PRKN: variants seen among roughly 807,000 people sequenced by gnomAD.
The protein encoded by PRKN is E3 ubiquitin-protein ligase parkin.
Under a neutral mutation model 59.5 loss-of-function variants are expected in PRKN, and 56 were observed. The ratio of observed to expected loss-of-function variants is 0.94; its 90% CI spans 0.76 to 1.18. The LOEUF is 1.18. PRKN is among the 50% of genes most tolerant of loss of function. PRKN has a pLI of 0.00. For missense variants in PRKN, 657 were observed against 596.4 expected (o/e 1.10, Z -1.06); for synonymous variants, 250 against 222.1 (o/e 1.13, Z -1.12).
At chr6:162,569,111 G>A (rs912306166) in intron 1 of PRKN, 27 of 660,330 alleles carry the variant, frequency 4.1e-5, no homozygotes, top group Admixed American at 1.0e-4. Flanking sequence ...GGCGTAGTAT[G>A]AGGAGATCAC....
At chr6:162,506,742 G>A (rs1793625082) in intron 1 of PRKN, among the ~76,000 whole-genome samples, 2 of 152,108 alleles carry the variant, frequency 1.3e-5, no homozygotes, top group South Asian at 4.1e-4. Context: ...ATGACGAGAT[G>A]AGTTTAGGAA....
intron 1 of PRKN, among the ~76,000 whole-genome samples, chr6:162,492,050 T>C (rs1792839869): frequency 6.6e-6 from 1 of 152,142 alleles, no homozygotes; most frequent in Non-Finnish European, 1.5e-5. Flanking sequence ...GGAAACAAGA[T>C]GGTCCTGCTT....
intron 1 of PRKN, among the ~76,000 whole-genome samples, chr6:162,532,357 C>T (rs772630877): frequency 4.6e-5 from 7 of 152,242 alleles, no homozygotes; most frequent in African/African-American, 9.6e-5. Context: ...GAGACGTGAG[C>T]ACACATCTCA....
intron 6 of PRKN, among the ~76,000 whole-genome samples, chr6:161,911,965 G>A (rs2128237182): frequency 6.6e-6 from 1 of 152,178 alleles, no homozygotes; most frequent in Admixed American, 6.5e-5. Flanking sequence ...ATCACCTGAG[G>A]TCAGGAGTTC....
At position 161,399,400 on chromosome 6, in the gene PRKN, G is replaced by A. The variant is rs1786922056; in HGVS notation, c.1084-12523C>T. Among the ~76,000 whole-genome samples the A allele has an allele frequency of 6.6e-6, 1 of 152,192 alleles. No individual in the cohort carries two copies. Among genetic ancestry groups the A allele is most frequent in the Non-Finnish European group, 1.5e-5 (1 of 68,036 alleles). ...CTGTCTGCAGACAGCAAAATTAAAA[G>A]AGCGCACTGTAACACACAGCTAACT... is the stretch of plus-strand genomic sequence containing the variant. On this transcript the variant is annotated intron_variant, in intron 9 of 11. Coordinates refer to ENST00000366898, the MANE Select transcript of PRKN (RefSeq NM_004562.3). The surrounding 1 kb of genome is among the most constrained non-coding windows in gnomAD (Gnocchi z 4.4).
At chr6:161,659,968 A>G (rs113687038) in intron 7 of PRKN, among the ~76,000 whole-genome samples, 6 of 152,280 alleles carry the variant, frequency 3.9e-5, no homozygotes, top group African/African-American at 1.4e-4. Context: ...ACTGGTTATA[A>G]TAACTCTTCT....
At chr6:162,340,451 C>T (rs1390421221) in intron 2 of PRKN, among the ~76,000 whole-genome samples, 1 of 152,116 alleles carries the variant, frequency 6.6e-6, no homozygotes, top group Non-Finnish European at 1.5e-5. Flanking sequence ...TAGACATTTC[C>T]CTGTAGAAAA....
At chr6:161,616,357 G>A (rs564228469) in intron 7 of PRKN, among the ~76,000 whole-genome samples, 1 of 151,604 alleles carries the variant, frequency 6.6e-6, no homozygotes, top group South Asian at 2.1e-4. Flanking sequence ...GAAAATTAGT[G>A]TGTAAAAATA....
At chr6:162,116,415 G>C (rs1780674917) in intron 4 of PRKN, among the ~76,000 whole-genome samples, 1 of 152,154 alleles carries the variant, frequency 6.6e-6, no homozygotes, top group Non-Finnish European at 1.5e-5. Context: ...GCATGAAACA[G>C]CTCTCTAGGA....
chr6:162,340,537 A>T lies in PRKN; in HGVS notation c.172-77772T>A, dbSNP rs577690471. ...TGTGGTACAAAATCACTTGTAAAAAATCTCCTGGTGTCAAAACAGCATGGA... is the reference window on the plus strand; with the variant it reads ...TGTGGTACAAAATCACTTGTAAAAATTCTCCTGGTGTCAAAACAGCATGGA... On this transcript the variant is annotated intron_variant, in intron 2 of 11. Coordinates refer to ENST00000366898, the MANE Select transcript of PRKN (RefSeq NM_004562.3). Among the ~76,000 whole-genome samples the T allele has an allele frequency of 1.3e-3, 205 of 152,268 alleles. 1 individual carries two copies. The highest frequency in any genetic ancestry group is 4.9e-3 in the African/African-American group (203 of 41,574).
intron 2 of PRKN, among the ~76,000 whole-genome samples, chr6:162,384,662 A>AC (rs1491186021): frequency 7.7e-5 from 11 of 142,988 alleles, no homozygotes; most frequent in African/African-American, 2.6e-4. Context: ...AAAAAAAAAA[A>AC]CAAAAAAAAA....
intron 9 of PRKN, among the ~76,000 whole-genome samples, chr6:161,516,937 T>A (rs976170319): frequency 1.3e-5 from 2 of 152,108 alleles, no homozygotes; most frequent in Admixed American, 6.5e-5. Flanking sequence ...TTCAGTAAGT[T>A]GTTTCTCATT....
intron 4 of PRKN, among the ~76,000 whole-genome samples, chr6:162,118,289 C>T (rs1780760519): frequency 6.6e-6 from 1 of 151,764 alleles, no homozygotes; most frequent in African/African-American, 2.4e-5. Context: ...CCAGTTGTCC[C>T]AGCTACTTGG....
chr6:161,965,156 T>TA (rs1780530206), intron 6 of PRKN, among the ~76,000 whole-genome samples: 1 of 152,074 alleles, frequency 6.6e-6, no homozygotes, highest in Non-Finnish European at 1.5e-5. Flanking sequence ...AAATCTTTGC[T>TA]AATCCCCAGG....
chr6:161,975,248 G>A (rs982935094), intron 5 of PRKN, among the ~76,000 whole-genome samples: 2 of 151,962 alleles, frequency 1.3e-5, no homozygotes, highest in African/African-American at 4.8e-5. Context: ...ACCACGCCTG[G>A]CCAATTTTTC....
intron 3 of PRKN, among the ~76,000 whole-genome samples, chr6:162,250,726 C>G (rs1020800276): frequency 4.6e-5 from 7 of 152,188 alleles, no homozygotes; most frequent in African/African-American, 1.7e-4. Context: ...CAATTATTGT[C>G]TGAAACTTCT....
At chr6:161,793,092 C>A (rs1299494806) in intron 6 of PRKN, among the ~76,000 whole-genome samples, 1 of 152,186 alleles carries the variant, frequency 6.6e-6, no homozygotes, top group Admixed American at 6.5e-5. Context: ...TTTGAATTAG[C>A]CAAGTGAGCA....
intron 6 of PRKN, among the ~76,000 whole-genome samples, chr6:161,822,448 G>T (rs575957530): frequency 1.3e-5 from 2 of 152,220 alleles, no homozygotes; most frequent in Non-Finnish European, 2.9e-5. Context: ...AGCCAAGGCA[G>T]GCGGATCACC....
chr6:162,586,351 G>A (rs151063552), intron 1 of PRKN, among the ~76,000 whole-genome samples: 7 of 152,214 alleles, frequency 4.6e-5, no homozygotes, highest in Non-Finnish European at 7.4e-5. Flanking sequence ...GCATTAATTC[G>A]AAACTAAAAT....
Sources: allele counts gnomAD v4.1 joint callset (sites outside exome capture counted in the v4.1 genomes callset), GRCh38; gene constraint gnomAD v4.1.1; non-coding constraint Gnocchi (gnomAD v3.1); transcripts MANE v1.5; gene names NCBI Gene and HGNC (gene_info 2026-07-23, HGNC 2026-07-21).